The following GRIK1 variants were observed in gnomAD, a reference collection of about 807,000 sequenced individuals.
The protein encoded by GRIK1 is glutamate receptor ionotropic, kainate 1.
GRIK1 carries 69 observed loss-of-function variants against 105.7 expected under a neutral mutation model. The ratio of observed to expected loss-of-function variants is 0.65; its 90% CI spans 0.54 to 0.80. GRIK1 has a LOEUF of 0.80. Ranked by LOEUF, GRIK1 falls within the 30% of genes least tolerant of loss-of-function variation. The probability of loss-of-function intolerance (pLI) is 0.00; values close to 1 mark genes in which losing one functional copy is unlikely to be tolerated. For missense variants in GRIK1, 1,109 were observed against 1,167.3 expected, an observed-to-expected ratio of 0.95 and a Z score of 0.73; for synonymous variants, 438 against 431.3, an observed-to-expected ratio of 1.02 and a Z score of -0.19.
At chr21:29,731,491 A>T (rs1165777924) in intron 1 of GRIK1, among the ~76,000 whole-genome samples, 1 of 152,162 alleles carries the variant, frequency 6.6e-6, no homozygotes, top group Non-Finnish European at 1.5e-5. Context: ...AAATGCTTCA[A>T]GATCTTGATA....
chr21:29,694,077 A>G lies in GRIK1; in HGVS notation c.119-14T>C. On this transcript the variant is annotated splice_polypyrimidine_tract_variant and intron_variant, in intron 1 of 17. Transcript: ENST00000327783. ...CAAAAATCCCTCCTGCAGAAGCAAA[A>G]GAGATGCATGAGAAGCGTTAGTCAC... 5 of 1,576,514 alleles carry G rather than the reference A, an allele frequency of 3.2e-6. No homozygotes were observed. Among genetic ancestry groups the G allele is most frequent in the Non-Finnish European group, 4.4e-6 (5 of 1,146,308 alleles).
chr21:29,790,750 G>A (rs754110949), intron 1 of GRIK1, among the ~76,000 whole-genome samples: 1 of 152,192 alleles, frequency 6.6e-6, no homozygotes, highest in Non-Finnish European at 1.5e-5. Context: ...ACCATGCCCT[G>A]CCTAGTAGAT....
At chr21:29,672,127 G>C (rs901294465) in intron 4 of GRIK1, among the ~76,000 whole-genome samples, 2 of 147,280 alleles carry the variant, frequency 1.4e-5, no homozygotes, top group African/African-American at 5.0e-5. Context: ...GTGTGATCTC[G>C]TCTCACTGCA....
intron 1 of GRIK1, among the ~76,000 whole-genome samples, chr21:29,757,599 T>C (rs917507578): frequency 6.6e-6 from 1 of 152,192 alleles, no homozygotes; most frequent in African/African-American, 2.4e-5. Context: ...GGCATGAGGA[T>C]AGCATTATTT....
At chr21:29,567,338 C>A (rs1053611011) in intron 14 of GRIK1, among the ~76,000 whole-genome samples, 2 of 152,030 alleles carry the variant, frequency 1.3e-5, no homozygotes, top group Non-Finnish European at 2.9e-5. Context: ...ATTGAGATAA[C>A]TATTATTTAT....
At chr21:29,772,486 CA>C (rs2065836835) in intron 1 of GRIK1, among the ~76,000 whole-genome samples, 1 of 152,106 alleles carries the variant, frequency 6.6e-6, no homozygotes, top group Non-Finnish European at 1.5e-5. Flanking sequence ...AAATCAATAG[CA>C]AAATGTTTTA....
chr21:29,895,662 G>A (rs1458241548), intron 1 of GRIK1, among the ~76,000 whole-genome samples: 1 of 152,144 alleles, frequency 6.6e-6, no homozygotes. Context: ...TTTGTCTATA[G>A]CACTTGTTGC....
At chr21:29,598,747 C>A in intron 8 of GRIK1, 83 bp downstream of exon 8, 1 of 622,464 alleles carries the variant, frequency 1.6e-6, no homozygotes. Context: ...CTTCATCATT[C>A]ACCTACTTGT....
intron 1 of GRIK1, among the ~76,000 whole-genome samples, chr21:29,841,129 G>A (rs2067969790): frequency 6.6e-6 from 1 of 152,074 alleles, no homozygotes; most frequent in Admixed American, 6.6e-5. Flanking sequence ...TTATGATATT[G>A]TATAGTGTAC....
chr21:29,897,112 A>T (rs921417833), intron 1 of GRIK1, among the ~76,000 whole-genome samples: 1 of 152,222 alleles, frequency 6.6e-6, no homozygotes, highest in Non-Finnish European at 1.5e-5. Context: ...GCACATACAC[A>T]CAATCTCGAC....
At chr21:29,763,317 C>T (rs957437650) in intron 1 of GRIK1, among the ~76,000 whole-genome samples, 4 of 152,290 alleles carry the variant, frequency 2.6e-5, no homozygotes, top group African/African-American at 9.6e-5. Context: ...TGTAAGTTTC[C>T]TGAGGCTTCC....
chr21:29,704,485 A>C (rs1415981004), intron 1 of GRIK1, among the ~76,000 whole-genome samples: 1 of 152,220 alleles, frequency 6.6e-6, no homozygotes, highest in African/African-American at 2.4e-5. Flanking sequence ...TTCCTTGAAG[A>C]TCAGGACAGA....
At chr21:29,647,864 G>A (rs994846962) in intron 6 of GRIK1, among the ~76,000 whole-genome samples, 2 of 152,028 alleles carry the variant, frequency 1.3e-5, no homozygotes, top group African/African-American at 2.4e-5. Flanking sequence ...TTTTAATAAC[G>A]AGTTTTACTG....
chr21:29,880,094 G>T (rs560349102), intron 1 of GRIK1, among the ~76,000 whole-genome samples: 2 of 152,088 alleles, frequency 1.3e-5, no homozygotes, highest in East Asian at 3.9e-4. Context: ...AATTACTCAC[G>T]CTTCACTGTA....
intron 7 of GRIK1, among the ~76,000 whole-genome samples, chr21:29,641,218 T>C (rs1276555313): frequency 6.6e-6 from 1 of 152,268 alleles, no homozygotes; most frequent in Non-Finnish European, 1.5e-5. Context: ...TCATCTCGAA[T>C]TGTAGCTCCC....
intron 1 of GRIK1, among the ~76,000 whole-genome samples, chr21:29,926,679 A>G (rs922734573): frequency 6.6e-6 from 1 of 151,906 alleles, no homozygotes; most frequent in Non-Finnish European, 1.5e-5. Context: ...ACACATATAT[A>G]TTTAAGTCTA....
chr21:29,677,144 A>G (rs75632540), intron 3 of GRIK1, among the ~76,000 whole-genome samples: 2,686 of 152,330 alleles, frequency 0.018, 37 homozygotes, highest in Middle Eastern at 0.037. Flanking sequence ...AGGTGTTTCT[A>G]TATTAAGAGA....
Position 29,583,992 on chromosome 21 carries a change from A to G in GRIK1, c.1794-2449T>C, listed in dbSNP as rs150895026. ...GAAATCAATACTCATCTTTACTAAT[A>G]TGATAGAGAAGGGAAGAAACATGCT... On this transcript the variant is annotated intron_variant, in intron 12 of 17. Transcript: ENST00000327783. 2.0e-5 allele frequency among the ~76,000 whole-genome samples: 3 copies of G among 152,306 alleles called. No individual in the cohort carries two copies. The East Asian group carries it at 5.8e-4, about 29-fold the overall frequency.
intron 15 of GRIK1, among the ~76,000 whole-genome samples, chr21:29,557,171 A>G (rs2090278693): frequency 6.6e-6 from 1 of 152,170 alleles, no homozygotes; most frequent in African/African-American, 2.4e-5. Context: ...TCTGTCCTTG[A>G]ATGTGAAGAA....
Sources: allele counts gnomAD v4.1 joint callset (sites outside exome capture counted in the v4.1 genomes callset), GRCh38; gene constraint gnomAD v4.1.1; transcripts MANE v1.5; gene names NCBI Gene and HGNC (gene_info 2026-07-23, HGNC 2026-07-21).